Variants in DNAJC1 observed in about 807,000 individuals in gnomAD.
DNAJC1 encodes the protein dnaJ homolog subfamily C member 1.
Under a neutral mutation model 76.6 loss-of-function variants are expected in DNAJC1, and 58 were observed. That is an observed-to-expected ratio of 0.76 (90% CI 0.61 to 0.94). DNAJC1 has a LOEUF of 0.94. Among genes scored for constraint, DNAJC1 ranks in the 40% least tolerant of loss-of-function variants. The pLI, the probability that DNAJC1 is intolerant of heterozygous loss-of-function variation, is 0.00. For missense variants in DNAJC1, 689 were observed against 677.3 expected (o/e 1.02, Z -0.19); for synonymous variants, 258 against 267.9 (o/e 0.96, Z 0.36).
intron 1 of DNAJC1, among the ~76,000 whole-genome samples, chr10:21,991,295 A>G (rs1269063288): frequency 6.6e-6 from 1 of 152,196 alleles, no homozygotes; most frequent in East Asian, 1.9e-4. Context: ...AATAACACTT[A>G]AAGAATTATA....
chr10:21,773,190 T>C (rs1834410504), intron 9 of DNAJC1, among the ~76,000 whole-genome samples: 1 of 152,216 alleles, frequency 6.6e-6, no homozygotes. Context: ...TAGGTATAGT[T>C]TGTTCTCTTT....
chr10:21,940,786 A>T (rs1837393952), intron 1 of DNAJC1, among the ~76,000 whole-genome samples: 1 of 152,168 alleles, frequency 6.6e-6, no homozygotes, highest in African/African-American at 2.4e-5. Context: ...GTTGGCAGGA[A>T]CATCAGACCA....
intron 3 of DNAJC1, 109 bp from the exon 4 acceptor site, chr10:21,921,072 GATA>G (rs1213646782): frequency 8.2e-6 from 8 of 978,552 alleles, no homozygotes; most frequent in African/African-American, 6.6e-5. Context: ...ATCCAAAATA[GATA>G]ATGTTTATGT....
At chr10:21,888,484 C>T (rs138897600) in intron 7 of DNAJC1, among the ~76,000 whole-genome samples, 3,023 of 152,202 alleles carry the variant, frequency 0.02, 95 homozygotes, top group African/African-American at 0.068. Flanking sequence ...TGGAATCAAC[C>T]TGAATGCCCA....
intron 3 of DNAJC1, among the ~76,000 whole-genome samples, chr10:21,924,518 A>G (rs1837089627): frequency 6.6e-6 from 1 of 152,200 alleles, no homozygotes. Flanking sequence ...AATCTAGTAT[A>G]TAAATGTCAT....
At chr10:21,908,772 C>G (rs1836802740) in intron 6 of DNAJC1, among the ~76,000 whole-genome samples, 1 of 152,082 alleles carries the variant, frequency 6.6e-6, no homozygotes, top group African/African-American at 2.4e-5. Context: ...ATGGAGTTTA[C>G]ATTTTTCCAA....
chr10:21,878,455 T>C (rs959840242), intron 8 of DNAJC1, among the ~76,000 whole-genome samples: 1 of 152,232 alleles, frequency 6.6e-6, no homozygotes, highest in Non-Finnish European at 1.5e-5. Context: ...CATTTGTTTA[T>C]ATTTCCCTCA....
intron 8 of DNAJC1, among the ~76,000 whole-genome samples, chr10:21,851,288 C>G (rs1314014660): frequency 6.6e-6 from 1 of 152,052 alleles, no homozygotes; most frequent in East Asian, 1.9e-4. Context: ...AACTCAACAA[C>G]AAAAAGACAA....
chr10:21,955,428 T>C (rs1021162074), intron 1 of DNAJC1, among the ~76,000 whole-genome samples: 2 of 152,168 alleles, frequency 1.3e-5, no homozygotes, highest in African/African-American at 4.8e-5. Context: ...ATCAAAATTT[T>C]TTAAAGTATT....
At chr10:21,925,806 G>A (rs1461669022) in intron 3 of DNAJC1, among the ~76,000 whole-genome samples, 1 of 152,170 alleles carries the variant, frequency 6.6e-6, no homozygotes, top group African/African-American at 2.4e-5. Context: ...ACGGCAAATG[G>A]GCTAAAGCTT....
chr10:21,778,077 T>G (rs1416848536), intron 9 of DNAJC1, among the ~76,000 whole-genome samples: 1 of 152,112 alleles, frequency 6.6e-6, no homozygotes, highest in Admixed American at 6.5e-5. Flanking sequence ...TAGTCCCAGC[T>G]ACTTGAGAGG....
At chr10:21,789,892 C>T (rs1476098496) in intron 9 of DNAJC1, among the ~76,000 whole-genome samples, 2 of 151,470 alleles carry the variant, frequency 1.3e-5, no homozygotes, top group Non-Finnish European at 2.9e-5. Flanking sequence ...CGCCTGTAAT[C>T]CCAGCTACTA....
In DNAJC1 at chr10:21,861,482, A is replaced by T. The variant is rs531813322; in HGVS notation, c.978+20800T>A. Among the ~76,000 whole-genome samples the T allele has an allele frequency of 1.3e-3, 199 of 152,274 alleles. 8 individuals are homozygous for T. In the South Asian group the frequency reaches 0.041, roughly 31 times the overall value. ...ATGTCAGAGGTGTTTGAACCACAGC[A>T]ACTCCATCTTGAGTAGGGGCTGGAT... is the stretch of plus-strand genomic sequence containing the variant. On this transcript the variant is annotated intron_variant, in intron 8 of 11. Transcript: ENST00000376980.
At chr10:21,885,603 C>A (rs909671613) in intron 7 of DNAJC1, among the ~76,000 whole-genome samples, 2 of 152,180 alleles carry the variant, frequency 1.3e-5, no homozygotes, top group African/African-American at 4.8e-5. Context: ...AAACTATCCT[C>A]AGCAAATGCA....
At chr10:21,853,059 C>G (rs750544685) in intron 8 of DNAJC1, among the ~76,000 whole-genome samples, 10 of 152,168 alleles carry the variant, frequency 6.6e-5, no homozygotes, top group Non-Finnish European at 1.0e-4. Context: ...CAGAGCATGT[C>G]AATACCCCAT....
chr10:21,807,466 T>C (rs1204302780), intron 8 of DNAJC1, among the ~76,000 whole-genome samples: 4 of 152,192 alleles, frequency 2.6e-5, no homozygotes, highest in African/African-American at 9.6e-5. Context: ...CTTTTCACCA[T>C]GTCCAAATGG....
At chr10:21,768,587 T>A (rs1301987327) in intron 9 of DNAJC1, among the ~76,000 whole-genome samples, 2 of 152,318 alleles carry the variant, frequency 1.3e-5, no homozygotes, top group African/African-American at 2.4e-5. Flanking sequence ...TTGAAATAGA[T>A]CATTTGTTTT....
intron 8 of DNAJC1, among the ~76,000 whole-genome samples, chr10:21,849,405 C>G (rs1835715188): frequency 2.0e-5 from 3 of 147,542 alleles, no homozygotes; most frequent in Admixed American, 2.0e-4. Flanking sequence ...GATCAGAGAC[C>G]AAAGCTAGCA....
intron 1 of DNAJC1, among the ~76,000 whole-genome samples, chr10:21,961,921 C>G (rs1837798711): frequency 6.6e-6 from 1 of 152,122 alleles, no homozygotes; most frequent in African/African-American, 2.4e-5. Flanking sequence ...TCCCTGAACA[C>G]TTTGGGCATA....
Sources: allele counts gnomAD v4.1 joint callset (sites outside exome capture counted in the v4.1 genomes callset), GRCh38; gene constraint gnomAD v4.1.1; transcripts MANE v1.5; gene names NCBI Gene and HGNC (gene_info 2026-07-23, HGNC 2026-07-21).